TMEM63B: variants seen among roughly 807,000 people sequenced by gnomAD.
TMEM63B encodes transmembrane protein 63B, also known as mechanosensitive cation channel TMEM63B.
TMEM63B carries 23 observed loss-of-function variants against 102.6 expected under a neutral mutation model. That is an observed-to-expected ratio of 0.22 (90% CI 0.16 to 0.32). TMEM63B has a LOEUF of 0.32. Ranked by LOEUF, TMEM63B falls within the 10% of genes least tolerant of loss-of-function variation. The pLI is 1.00. For synonymous variants in TMEM63B, 444 were observed against 437.0 expected, an observed-to-expected ratio of 1.02 and a Z score of -0.20; for missense variants, 628 against 1,095.9, an observed-to-expected ratio of 0.57 and a Z score of 6.03.
rs200096716 is a variant in TMEM63B, at chr6:44,151,870, C to T, written c.1698C>T (p.Gly566=). The T allele has an allele frequency of 3.7e-6, 6 of 1,612,578 alleles. No individual in the cohort carries two copies. The highest frequency in any genetic ancestry group is 1.3e-5 in the African/African-American group (1 of 74,974). The change falls in exon 19 of 24, where the codon GGC becomes GGT. Residue 566 remains glycine (G), a synonymous_variant. Coordinates refer to ENST00000323267, the MANE Select transcript of TMEM63B (RefSeq NM_018426.3). ...GGTGTGTGTTCCTGCCCGACAACGG[C>T]GCCTTCTTCGTGAACTACGTCATTG... is the stretch of plus-strand genomic sequence containing the variant. ...RFECVFLPDN[G]AFFVNYVIAS... is the part of the protein sequence containing the mutation.
chr6:44,132,838 C>T (rs1762219108), intron 1 of TMEM63B, among the ~76,000 whole-genome samples: 1 of 152,218 alleles, frequency 6.6e-6, no homozygotes, highest in South Asian at 2.1e-4. Flanking sequence ...ATTTATAAAG[C>T]TTCCATGGTC....
chr6:44,139,332 T>G (rs1763755515), intron 6 of TMEM63B, 135 bp from the exon 7 acceptor site: 1 of 1,057,056 alleles, frequency 9.5e-7, no homozygotes, highest in Admixed American at 2.2e-5. Flanking sequence ...AAGTCCCATT[T>G]CAGCCCTATA....
intron 1 of TMEM63B, 99 bp from the exon 2 acceptor site, chr6:44,134,462 C>A: frequency 7.8e-7 from 1 of 1,281,808 alleles, no homozygotes. Context: ...ACCCAGGCAG[C>A]CTGGTGATCT....
At chr6:44,139,845 T>A in intron 8 of TMEM63B, 86 bp downstream of exon 8, 3 of 1,549,904 alleles carry the variant, frequency 1.9e-6, no homozygotes, top group Non-Finnish European at 2.7e-6. Flanking sequence ...GGCAGCTGCG[T>A]TGATGGGAGC....
intron 1 of TMEM63B, among the ~76,000 whole-genome samples, chr6:44,132,542 G>T (rs1049520959): frequency 6.6e-6 from 1 of 152,024 alleles, no homozygotes; most frequent in Non-Finnish European, 1.5e-5. Context: ...TTGAGAAAGG[G>T]GGACTAGTTA....
In TMEM63B at chr6:44,140,264, A is replaced by G. The variant is rs954888219; in HGVS notation, c.615A>G (p.Leu205=). 4 of 1,613,808 alleles carry G rather than the reference A, an allele frequency of 2.5e-6. No individual in the cohort carries two copies. The highest frequency in any genetic ancestry group is 1.1e-5 in the South Asian group (1 of 91,076). ...CTGCTTCTCCCAGGAACAACCTGCT[A>G]TGGCTGCACACCTCCTTCGCCTTCC... The part of the protein sequence containing the change: ...IANLKSGNNL[L]WLHTSFAFLY... Residue 205 remains leucine (L), a synonymous_variant, in exon 9 of 24, where the codon CTA becomes CTG. Coordinates refer to ENST00000323267, the MANE Select transcript of TMEM63B (RefSeq NM_018426.3).
chr6:44,128,971 C>A (rs1777769050), intron 1 of TMEM63B, among the ~76,000 whole-genome samples: 1 of 152,236 alleles, frequency 6.6e-6, no homozygotes, highest in South Asian at 2.1e-4. Flanking sequence ...CCTTGGACAT[C>A]ATTCAAGTTC....
intron 22 of TMEM63B, 30 bp downstream of exon 22, chr6:44,154,218 T>C: frequency 6.2e-7 from 1 of 1,609,886 alleles, no homozygotes; most frequent in Non-Finnish European, 8.5e-7. Context: ...GGCGGATGGC[T>C]GCGGGCAGGA....
chr6:44,148,106 G>A lies in TMEM63B; in HGVS notation c.988-146G>A. ...CCACTACACTCCAGCCTGGGCATCA[G>A]AGCGAGACGCTGTTTCCAAAAAAAA... is the stretch of plus-strand genomic sequence containing the variant. On this transcript the variant is annotated intron_variant, in intron 12 of 23. Transcript: ENST00000323267. The surrounding 1 kb of genome is among the most constrained non-coding windows in gnomAD (Gnocchi z 5.1). 8.0e-7 allele frequency: 1 copy of A among 1,242,428 alleles called. No individual in the cohort carries two copies. Among genetic ancestry groups the A allele is most frequent in the Non-Finnish European group, 1.1e-6 (1 of 900,194 alleles). 77.0% of individuals were successfully genotyped at this position (1,242,428 alleles called of 1,614,324 possible).
chr6:44,129,880 A>G (rs1397642252), intron 1 of TMEM63B, among the ~76,000 whole-genome samples: 2 of 152,158 alleles, frequency 1.3e-5, no homozygotes, highest in Non-Finnish European at 2.9e-5. Context: ...CAACAACACA[A>G]CTGGATTATT....
chr6:44,147,200 GA>G (rs1297881192), intron 11 of TMEM63B, among the ~76,000 whole-genome samples, 176 bp from the exon 12 acceptor site: 2 of 152,144 alleles, frequency 1.3e-5, no homozygotes, highest in African/African-American at 4.8e-5. Context: ...CAGCCTGCAG[GA>G]AGAACTTCTG....
chr6:44,142,453 C>T (rs746954769), intron 10 of TMEM63B, among the ~76,000 whole-genome samples: 1 of 152,044 alleles, frequency 6.6e-6, no homozygotes, highest in African/African-American at 2.4e-5. Context: ...TCGCTTGAAC[C>T]CAGGAGGCAG....
Position 44,154,406 on chromosome 6 carries a change from T to C in TMEM63B, c.2268T>C (p.Asn756=), listed in dbSNP as rs151005889. 1.7e-5 allele frequency: 28 copies of C among 1,613,988 alleles called. No homozygotes were observed. In the African/African-American group the frequency reaches 3.3e-4, roughly 19 times the overall value. The change falls in exon 23 of 24, where the codon AAT becomes AAC. Residue 756 remains asparagine (N), a synonymous_variant. Coordinates refer to ENST00000323267, the MANE Select transcript of TMEM63B (RefSeq NM_018426.3). ...CAGATACTGTGGACCCCAGAAGCAATGGACGGCCCCCCACTGCTGCTGCTG... is the reference window on the plus strand; with the variant it reads ...CAGATACTGTGGACCCCAGAAGCAACGGACGGCCCCCCACTGCTGCTGCTG... ...TETDTVDPRS[N]GRPPTAAAVP... is the part of the protein sequence containing the mutation.
chr6:44,131,032 C>T (rs1778168300), intron 1 of TMEM63B, among the ~76,000 whole-genome samples: 1 of 152,064 alleles, frequency 6.6e-6, no homozygotes, highest in Admixed American at 6.6e-5. Context: ...ATTCTCCTGC[C>T]TCAGCCTCCC....
At position 44,141,194 on chromosome 6, in the gene TMEM63B, T is replaced by C; in HGVS notation, c.782+96T>C. Reference sequence around the variant, plus strand: ...ACATCCTTATACCCTAGCCTGGAGCTCTGCCGTGGGTGGGATAGAGATTAG... The same window carrying C: ...ACATCCTTATACCCTAGCCTGGAGCCCTGCCGTGGGTGGGATAGAGATTAG... On this transcript the variant is annotated intron_variant, in intron 10 of 23. Transcript: ENST00000323267. The C allele has an allele frequency of 2.4e-6, 3 of 1,266,740 alleles. No homozygotes were observed. In the South Asian group the frequency reaches 4.1e-5, roughly 17 times the overall value. 78.5% of individuals were successfully genotyped at this position (1,266,740 alleles called of 1,614,324 possible).
intron 10 of TMEM63B, among the ~76,000 whole-genome samples, chr6:44,142,568 T>C (rs1040651895): frequency 2.6e-5 from 4 of 152,086 alleles, no homozygotes; most frequent in Admixed American, 6.5e-5. Flanking sequence ...AGGGGGTTCA[T>C]AGTATGGCAG....
chr6:44,135,082 GA>G lies in TMEM63B; in HGVS notation c.226del (p.Thr76GlnfsTer54). ...AWDYGRLALVTDADRLRRQER... is the reference protein window; with the variant it reads ...AWDYGRLALVXDADRLRRQER... ...GGGACTATGGGCGGCTGGCCTTGGT[GA>G]CAGATGCAGACAGGTAAGGGTCTGG... On this transcript the variant is annotated frameshift_variant, in exon 3 of 24. Transcript: ENST00000323267. LOFTEE classifies it high-confidence loss of function. The G allele has an allele frequency of 6.2e-7, 1 of 1,614,216 alleles. No homozygotes were observed. The highest frequency in any genetic ancestry group is 8.5e-7 in the Non-Finnish European group (1 of 1,180,032).
Position 44,154,735 on chromosome 6 carries a change from A to T in TMEM63B, c.2351A>T (p.Asp784Val). 1 of 1,586,414 alleles carries T rather than the reference A, an allele frequency of 6.3e-7. No individual in the cohort carries two copies. Among genetic ancestry groups the T allele is most frequent in the Non-Finnish European group, 8.6e-7 (1 of 1,168,896 alleles). ...CTGCAGGACTCAGAGGTGGACGGGG[A>T]TGGGGATGGGGCTCCTGGGAGCTCA... ...QVLQDSEVDG[D>V]GDGAPGSSGD... Residue 784 changes from aspartate (D) to valine (V), a missense_variant, in exon 24 of 24, where the codon GAT becomes GTT. By Grantham distance (152) the Asp-to-Val change is radical (BLOSUM62 -3). Transcript: ENST00000323267.
intron 10 of TMEM63B, among the ~76,000 whole-genome samples, chr6:44,142,359 G>T (rs1764458361): frequency 6.7e-6 from 1 of 149,672 alleles, no homozygotes; most frequent in Non-Finnish European, 1.5e-5. Flanking sequence ...GTGAAACCTT[G>T]TCTCTACTGA....
Sources: allele counts gnomAD v4.1 joint callset (sites outside exome capture counted in the v4.1 genomes callset), GRCh38; gene constraint gnomAD v4.1.1; non-coding constraint Gnocchi (gnomAD v3.1); transcripts MANE v1.5; gene names NCBI Gene and HGNC (gene_info 2026-07-23, HGNC 2026-07-21).